The following CNTNAP2 variants were observed in gnomAD, a reference collection of about 807,000 sequenced individuals.
CNTNAP2 encodes the protein contactin associated protein 2.
CNTNAP2 carries 98 observed loss-of-function variants against 155.2 expected under a neutral mutation model. That is an observed-to-expected ratio of 0.63 (90% CI 0.54 to 0.75). The LOEUF is 0.75. CNTNAP2 is among the 30% of genes least tolerant of loss of function. CNTNAP2 has a pLI of 0.00. For synonymous variants in CNTNAP2, 651 were observed against 631.2 expected (o/e 1.03, Z -0.47); for missense variants, 1,727 against 1,688.1 (o/e 1.02, Z -0.40).
chr7:148,051,046 T>C (rs1349982289), intron 15 of CNTNAP2, among the ~76,000 whole-genome samples: 2 of 152,240 alleles, frequency 1.3e-5, no homozygotes, highest in Non-Finnish European at 2.9e-5. Flanking sequence ...CAGCAATGCA[T>C]GACTGTATTA....
At chr7:147,084,075 G>A (rs1459612862) in intron 4 of CNTNAP2, among the ~76,000 whole-genome samples, 1 of 92,082 alleles carries the variant, frequency 1.1e-5, no homozygotes, top group Non-Finnish European at 2.0e-5. Context: ...ATACATATAT[G>A]CATAATGCTA....
chr7:146,985,052 T>C (rs1397570223), intron 3 of CNTNAP2, among the ~76,000 whole-genome samples: 1 of 152,182 alleles, frequency 6.6e-6, no homozygotes, highest in Non-Finnish European at 1.5e-5. Flanking sequence ...GGCAAAAGTT[T>C]TCACACTGTT....
intron 12 of CNTNAP2, among the ~76,000 whole-genome samples, chr7:147,611,097 ATT>A (rs34114191): frequency 2.7e-4 from 41 of 150,928 alleles, no homozygotes; most frequent in Non-Finnish European, 4.3e-4. Flanking sequence ...ATTAGGAGTG[ATT>A]TTTTTTTTAA....
At chr7:147,540,257 T>C (rs1395644257) in intron 11 of CNTNAP2, among the ~76,000 whole-genome samples, 1 of 152,104 alleles carries the variant, frequency 6.6e-6, no homozygotes, top group African/African-American at 2.4e-5. Context: ...CCCCAGAACA[T>C]CACACTCTTA....
chr7:148,090,474 G>A (rs1788998724), intron 15 of CNTNAP2, among the ~76,000 whole-genome samples: 2 of 152,126 alleles, frequency 1.3e-5, no homozygotes, highest in South Asian at 4.1e-4. Flanking sequence ...CTCAAAAGAA[G>A]GCATACATGT....
At chr7:147,187,467 T>C (rs1211337578) in intron 8 of CNTNAP2, among the ~76,000 whole-genome samples, 1 of 152,054 alleles carries the variant, frequency 6.6e-6, no homozygotes, top group African/African-American at 2.4e-5. Context: ...TGAAGCAACA[T>C]GGATGTAGCT....
chr7:148,228,841 A>AAAAAC (rs1795907001), intron 19 of CNTNAP2, among the ~76,000 whole-genome samples: 1 of 151,498 alleles, frequency 6.6e-6, no homozygotes. Flanking sequence ...AAAAAAAAAA[A>AAAAAC]AACTATGTTT....
At chr7:146,342,707 A>C (rs940580829) in intron 1 of CNTNAP2, among the ~76,000 whole-genome samples, 10 of 152,134 alleles carry the variant, frequency 6.6e-5, no homozygotes, top group African/African-American at 2.2e-4. Context: ...TGCTGTGCTA[A>C]ATACTTACTA....
chr7:146,589,268 A>T (rs1359752396), intron 1 of CNTNAP2, among the ~76,000 whole-genome samples: 1 of 152,220 alleles, frequency 6.6e-6, no homozygotes, highest in Non-Finnish European at 1.5e-5. Context: ...ACTCACTGCT[A>T]TAAAAAACAA....
At chr7:147,304,718 A>G (rs1794996866) in intron 9 of CNTNAP2, among the ~76,000 whole-genome samples, 1 of 152,160 alleles carries the variant, frequency 6.6e-6, no homozygotes, top group African/African-American at 2.4e-5. Context: ...GTGTTAATGA[A>G]GTTTAATAAG....
At chr7:147,943,458 G>A (rs956095253) in intron 14 of CNTNAP2, among the ~76,000 whole-genome samples, 1 of 151,902 alleles carries the variant, frequency 6.6e-6, no homozygotes, top group Non-Finnish European at 1.5e-5. Flanking sequence ...ATCTCACTCT[G>A]AAAGCTGTAT....
At chr7:147,243,689 A>G (rs754164988) in intron 8 of CNTNAP2, among the ~76,000 whole-genome samples, 1 of 152,220 alleles carries the variant, frequency 6.6e-6, no homozygotes, top group Non-Finnish European at 1.5e-5. Context: ...TATTCATGTT[A>G]GGTGAAGCTC....
chr7:146,994,723 A>C (rs1223993387), intron 3 of CNTNAP2, among the ~76,000 whole-genome samples: 2 of 152,162 alleles, frequency 1.3e-5, no homozygotes, highest in African/African-American at 2.4e-5. Context: ...ACTCTCACAC[A>C]CATGGGTGTT....
chr7:146,740,223 G>C (rs181239836), intron 1 of CNTNAP2, among the ~76,000 whole-genome samples: 1 of 144,522 alleles, frequency 6.9e-6, no homozygotes, highest in South Asian at 2.2e-4. Flanking sequence ...TGCTTGTTCA[G>C]TTTTTCTTTT....
chr7:148,147,228 T>G (rs192524743), intron 16 of CNTNAP2, among the ~76,000 whole-genome samples: 1 of 152,224 alleles, frequency 6.6e-6, no homozygotes, highest in East Asian at 1.9e-4. Flanking sequence ...GGGTCAATGA[T>G]GGTCACATCT....
intron 13 of CNTNAP2, among the ~76,000 whole-genome samples, chr7:147,861,028 T>C (rs955339205): frequency 2.6e-5 from 4 of 152,218 alleles, no homozygotes; most frequent in African/African-American, 9.6e-5. Flanking sequence ...GTCTACTAAA[T>C]TGAACTCTTA....
intron 1 of CNTNAP2, among the ~76,000 whole-genome samples, chr7:146,520,162 G>T (rs951815523): frequency 6.6e-6 from 1 of 150,786 alleles, no homozygotes; most frequent in Non-Finnish European, 1.5e-5. Context: ...GAATAAAAAA[G>T]ATATATCCTA....
intron 3 of CNTNAP2, among the ~76,000 whole-genome samples, chr7:147,042,194 G>A (rs1471116090): frequency 6.6e-6 from 1 of 152,138 alleles, no homozygotes; most frequent in East Asian, 1.9e-4. Context: ...TTTTTAAAAG[G>A]CAGTGGTAGT....
At chr7:148,168,122 A>G (rs1223824402) in intron 17 of CNTNAP2, among the ~76,000 whole-genome samples, 3 of 152,076 alleles carry the variant, frequency 2.0e-5, no homozygotes, top group Non-Finnish European at 4.4e-5. Flanking sequence ...TGGGACTGTA[A>G]ACTAGTTCAA....
Sources: allele counts gnomAD v4.1 joint callset (sites outside exome capture counted in the v4.1 genomes callset), GRCh38; gene constraint gnomAD v4.1.1; transcripts MANE v1.5; gene names NCBI Gene and HGNC (gene_info 2026-07-23, HGNC 2026-07-21).